The following SNCAIP variants were observed in gnomAD, a reference collection of about 807,000 sequenced individuals.
The protein encoded by SNCAIP is synuclein alpha interacting protein.
SNCAIP carries 43 observed loss-of-function variants against 86.7 expected under a neutral mutation model. That is an observed-to-expected ratio of 0.50 (90% CI 0.39 to 0.64). SNCAIP has a LOEUF of 0.64. SNCAIP is among the 30% of genes least tolerant of loss of function. The probability of loss-of-function intolerance (pLI) is 0.00; values close to 1 mark genes in which losing one functional copy is unlikely to be tolerated. For missense variants in SNCAIP, 981 were observed against 1,103.1 expected (o/e 0.89, Z 1.57); for synonymous variants, 417 against 427.2 (o/e 0.98, Z 0.29).
At chr5:122,332,897 A>T (rs1344467575) in intron 1 of SNCAIP, among the ~76,000 whole-genome samples, 1 of 152,230 alleles carries the variant, frequency 6.6e-6, no homozygotes, top group Admixed American at 6.5e-5. Flanking sequence ...AGGAAAATGC[A>T]TTACTTATTT....
At chr5:122,453,973 G>A (rs923968010) in intron 10 of SNCAIP, among the ~76,000 whole-genome samples, 4 of 152,012 alleles carry the variant, frequency 2.6e-5, no homozygotes, top group African/African-American at 9.7e-5. Flanking sequence ...TGCTCAGGCT[G>A]GTCTCAAACT....
intron 1 of SNCAIP, among the ~76,000 whole-genome samples, chr5:122,382,397 C>T (rs1282730744): frequency 6.6e-6 from 1 of 152,084 alleles, no homozygotes; most frequent in Non-Finnish European, 1.5e-5. Flanking sequence ...GCTCCATCAG[C>T]TCCTTTAAGC....
intron 1 of SNCAIP, among the ~76,000 whole-genome samples, chr5:122,382,865 G>A (rs1273369373): frequency 2.0e-4 from 31 of 152,354 alleles, no homozygotes; most frequent in Admixed American, 5.2e-4. Flanking sequence ...GGGGTCAGGG[G>A]TCAGGGACCC....
chr5:122,333,497 T>C (rs1334258496), intron 1 of SNCAIP, among the ~76,000 whole-genome samples: 1 of 152,210 alleles, frequency 6.6e-6, no homozygotes, highest in Non-Finnish European at 1.5e-5. Context: ...CTCTGAAGAA[T>C]CTCAGGAATT....
chr5:122,370,772 T>C (rs1037982303), intron 1 of SNCAIP, among the ~76,000 whole-genome samples: 1 of 152,236 alleles, frequency 6.6e-6, no homozygotes, highest in Non-Finnish European at 1.5e-5. Flanking sequence ...ACATGTTTGC[T>C]AATTGTTTGC....
intron 7 of SNCAIP, chr5:122,440,969 G>A: frequency 1.8e-6 from 1 of 541,208 alleles, no homozygotes; most frequent in South Asian, 2.0e-5. Flanking sequence ...GTGTCCCAGG[G>A]TGTTGAAAGG....
chr5:122,444,068 CA>C, intron 7 of SNCAIP: 1 of 456,948 alleles, frequency 2.2e-6, no homozygotes, highest in Non-Finnish European at 4.4e-6. Flanking sequence ...CACTCTCAGC[CA>C]TGTCATTTCT....
At chr5:122,314,340 T>G (rs1480297005) in intron 1 of SNCAIP, among the ~76,000 whole-genome samples, 3 of 152,166 alleles carry the variant, frequency 2.0e-5, no homozygotes, top group Admixed American at 2.0e-4. Flanking sequence ...AAAGAGGAAA[T>G]CTCCCAAGGA....
intron 1 of SNCAIP, among the ~76,000 whole-genome samples, chr5:122,374,352 C>T (rs557403117): frequency 2.0e-5 from 3 of 152,294 alleles, no homozygotes; most frequent in South Asian, 4.1e-4. Flanking sequence ...TCTCTTCAAG[C>T]TTCTCTGCTC....
chr5:122,444,948 G>A (rs559172689), intron 8 of SNCAIP: 130 of 581,800 alleles, frequency 2.2e-4, no homozygotes, highest in African/African-American at 2.1e-3. Flanking sequence ...ACAGTAAAGT[G>A]TACAGCAAGC....
At chr5:122,315,252 A>G (rs1352465209) in intron 1 of SNCAIP, among the ~76,000 whole-genome samples, 2 of 152,166 alleles carry the variant, frequency 1.3e-5, no homozygotes, top group African/African-American at 2.4e-5. Flanking sequence ...CTTTACTTAT[A>G]TGTCTGGCAG....
At chr5:122,455,532 G>T (rs935643542) in intron 10 of SNCAIP, among the ~76,000 whole-genome samples, 12 of 152,208 alleles carry the variant, frequency 7.9e-5, no homozygotes, top group Admixed American at 6.5e-4. Flanking sequence ...GAAGTCAGTG[G>T]CAGTCATTGG....
intron 3 of SNCAIP, among the ~76,000 whole-genome samples, chr5:122,408,978 C>T (rs1173403557): frequency 6.6e-6 from 1 of 152,166 alleles, no homozygotes; most frequent in African/African-American, 2.4e-5. Context: ...GCTCTACAGT[C>T]TCCAGACCCC....
intron 1 of SNCAIP, among the ~76,000 whole-genome samples, chr5:122,335,033 ATAAC>A (rs1294011091): frequency 6.6e-6 from 1 of 152,240 alleles, no homozygotes; most frequent in Non-Finnish European, 1.5e-5. Context: ...TTTACTTTCA[ATAAC>A]TAACATAGTT....
Position 122,423,480 on chromosome 5 carries a change from C to T in SNCAIP, c.743C>T (p.Ala248Val), listed in dbSNP as rs767879338. 6 of 1,614,074 alleles carry T rather than the reference C, an allele frequency of 3.7e-6. No homozygotes were observed. The highest frequency in any genetic ancestry group is 3.3e-5 in the Admixed American group (2 of 60,004). The change falls in exon 4 of 11, where the codon GCA (alanine) becomes GTA (valine). Residue 248 changes from alanine (A) to valine (V), a missense_variant. By Grantham distance (64) the Ala-to-Val change is moderately conservative. Coordinates refer to ENST00000261368, the MANE Select transcript of SNCAIP (RefSeq NM_005460.4). Reference sequence around the variant, plus strand: ...CCTCCTCTGGTTAAATGTGGCTCTGCATATGAGCCTGAAAACCAGAGTAAA... The same window carrying T: ...CCTCCTCTGGTTAAATGTGGCTCTGTATATGAGCCTGAAAACCAGAGTAAA... Reference protein sequence around the residue: ...ISPPLVKCGSAYEPENQSKDF... With the variant: ...ISPPLVKCGSVYEPENQSKDF...
chr5:122,413,088 C>T (rs973627572), intron 3 of SNCAIP, among the ~76,000 whole-genome samples: 3 of 152,196 alleles, frequency 2.0e-5, no homozygotes, highest in African/African-American at 7.2e-5. Context: ...AAAGCAGCTG[C>T]TGAGAGCTCC....
chr5:122,423,560 ACAC>A lies in SNCAIP; in HGVS notation c.826_828del (p.Pro276del). 1 of 1,614,206 alleles carries A rather than the reference ACAC, an allele frequency of 6.2e-7. No homozygotes were observed. The highest frequency in any genetic ancestry group is 8.5e-7 in the Non-Finnish European group (1 of 1,180,032). The stretch of plus-strand genomic sequence containing the variant: ...TCATGGTCGAAAAGTTGAGAAGACA[ACAC>A]CAGACTGCCAGCTCAGGGCCTTCCA... On this transcript the variant is annotated inframe_deletion, in exon 4 of 11. Transcript: ENST00000261368.
chr5:122,356,012 G>A (rs1197135546), intron 1 of SNCAIP, among the ~76,000 whole-genome samples: 3 of 151,488 alleles, frequency 2.0e-5, no homozygotes, highest in African/African-American at 4.9e-5. Context: ...TATCATTTAT[G>A]CATGTTTAAA....
intron 1 of SNCAIP, among the ~76,000 whole-genome samples, chr5:122,319,551 A>G (rs1255986651): frequency 6.6e-6 from 1 of 152,194 alleles, no homozygotes; most frequent in East Asian, 1.9e-4. Flanking sequence ...TCTTAAGAGC[A>G]TCATATGAAA....
Sources: allele counts gnomAD v4.1 joint callset (sites outside exome capture counted in the v4.1 genomes callset), GRCh38; gene constraint gnomAD v4.1.1; transcripts MANE v1.5; gene names NCBI Gene and HGNC (gene_info 2026-07-23, HGNC 2026-07-21).